GDPD2: variants seen among roughly 807,000 people sequenced by gnomAD.
GDPD2 encodes the protein glycerophosphodiester phosphodiesterase domain containing 2, also known as glycerophosphodiester phosphodiesterase 3.
In GDPD2, 23 loss-of-function variants were observed where a neutral mutation model predicts 49.2. The ratio of observed to expected loss-of-function variants is 0.47; its 90% CI spans 0.34 to 0.66. The LOEUF (loss-of-function observed/expected upper bound fraction) is 0.66. Ranked by LOEUF, GDPD2 falls within the 30% of genes least tolerant of loss-of-function variation. The probability of loss-of-function intolerance (pLI) is 0.01; values close to 1 mark genes in which losing one functional copy is unlikely to be tolerated. For synonymous variants in GDPD2, 167 were observed against 171.4 expected (o/e 0.97, Z 0.20); for missense variants, 338 against 424.7 (o/e 0.80, Z 1.79).
At chrX:70,429,389 G>C (rs1407423315) in intron 10 of GDPD2, 104 bp from the exon 11 acceptor site, 16 of 531,121 alleles carry the variant, frequency 3.0e-5, no homozygotes, top group Non-Finnish European at 4.0e-5. Context: ...CTCAGAGGTG[G>C]AAAGAAGCTG....
Position 70,426,904 on chromosome X carries a change from G to GGAGTTTT in GDPD2, c.595_596insGAGTTTT (p.Val199GlyfsTer53). The GGAGTTTT allele has an allele frequency of 8.3e-7, 1 of 1,209,086 alleles. No individual in the cohort carries two copies. Among genetic ancestry groups the GGAGTTTT allele is most frequent in the Non-Finnish European group, 1.1e-6 (1 of 893,225 alleles). On this transcript the variant is annotated frameshift_variant, in exon 8 of 16. Transcript: ENST00000374382. LOFTEE classifies it high-confidence loss of function. Reference sequence around the variant, plus strand: ...GCTACTGCTCCTATTTTTTGGAGTTGTCCTGGTCATCTACTTGGCCCCCCT... The same window carrying GGAGTTTT: ...GCTACTGCTCCTATTTTTTGGAGTTGGAGTTTTTCCTGGTCATCTACTTGGCCCCCCT...
chrX:70,433,190 G>C lies in GDPD2; in HGVS notation c.*104G>C, dbSNP rs1019374713. 6.3e-6 allele frequency: 4 copies of C among 635,458 alleles called. No individual in the cohort carries two copies. The highest frequency in any genetic ancestry group is 1.0e-5 in the Non-Finnish European group (4 of 396,903). The allele number at this position is 635,458 out of a possible 1,213,427, so 52.4% of individuals were successfully genotyped here. A position where few individuals can be genotyped will look rare whatever the true frequency, so the allele number is the denominator to read the frequency against. ...GCTTCAGGGGTGGTGGGTTGCAAGT[G>C]GGGGGAGCTTTGCCAACAGGAGGTT... On this transcript the variant is annotated 3_prime_UTR_variant, in exon 16 of 16. Transcript: ENST00000374382.
rs768678443 is a variant in GDPD2, at chrX:70,426,680, C to T, written c.495C>T (p.Ala165=). 38 of 1,207,480 alleles carry T rather than the reference C, an allele frequency of 3.1e-5. 1 individual carries two copies. Among genetic ancestry groups the T allele is most frequent in the Non-Finnish European group, 3.1e-5 (28 of 893,150 alleles). Residue 165 remains alanine (A), a synonymous_variant, in exon 7 of 16, where the codon GCC becomes GCT. Coordinates refer to ENST00000374382, the MANE Select transcript of GDPD2 (RefSeq NM_017711.4). ...CCCCATTCCTTCATATTGGAGCAGC[C>T]GCTGGAATTGCCCTCCTGGCCTGGC... ...ATAPFLHIGA[A]AGIALLAWPV...
intron 10 of GDPD2, among the ~76,000 whole-genome samples, chrX:70,428,865 G>A (rs2086449657): frequency 1.8e-5 from 2 of 112,322 alleles, no homozygotes; most frequent in Admixed American, 9.5e-5. Context: ...AGGAAGTGAG[G>A]TCATTCATTG....
chrX:70,432,536 T>TC (rs1172611642), intron 13 of GDPD2, 43 bp from the exon 14 acceptor site: 2 of 1,161,974 alleles, frequency 1.7e-6, no homozygotes, highest in Non-Finnish European at 2.4e-6. Flanking sequence ...CTTACTTATT[T>TC]CCCCTGACAT....
intron 10 of GDPD2, among the ~76,000 whole-genome samples, chrX:70,429,178 A>C (rs1295185242): frequency 9.0e-6 from 1 of 111,552 alleles, no homozygotes. Flanking sequence ...GACCATGGGT[A>C]AGGGATGTAG....
At chrX:70,428,961 T>G (rs947243640) in intron 10 of GDPD2, among the ~76,000 whole-genome samples, 3 of 111,651 alleles carry the variant, frequency 2.7e-5, no homozygotes, top group African/African-American at 9.8e-5. Context: ...GTAAAAGGAT[T>G]GTTAAGCAGC....
At position 70,429,978 on chromosome X, in the gene GDPD2, A is replaced by G. The variant is rs141964508; in HGVS notation, c.1222A>G (p.Ile408Val). 13 of 1,207,819 alleles carry G rather than the reference A, an allele frequency of 1.1e-5. No homozygotes were observed. The highest frequency in any genetic ancestry group is 1.3e-5 in the Non-Finnish European group (12 of 893,041). Residue 408 changes from isoleucine to valine, a missense_variant, in exon 12 of 16, where the codon ATA becomes GTA. Coordinates refer to ENST00000374382, the MANE Select transcript of GDPD2 (RefSeq NM_017711.4). ...ACGACGGGCACCTGGAATGCGCCAGATATATGGACGTCAGGGAGGCAACAG... is the reference window on the plus strand; with the variant it reads ...ACGACGGGCACCTGGAATGCGCCAGGTATATGGACGTCAGGGAGGCAACAG... ...VQRRAPGMRQIYGRQGGNRTE... is the reference protein window; with the variant it reads ...VQRRAPGMRQVYGRQGGNRTE...
Position 70,427,376 on chromosome X carries a change from T to C in GDPD2, c.849T>C (p.Ser283=), listed in dbSNP as rs1436216179. ...TCAGCAGGACCACGAATGTAGCCTCTGTATTCCCAACCCGAATCACAGCCC... is the reference window on the plus strand; with the variant it reads ...TCAGCAGGACCACGAATGTAGCCTCCGTATTCCCAACCCGAATCACAGCCC... ...EHLSRTTNVA[S]VFPTRITAHS... The change falls in exon 10 of 16, where the codon TCT becomes TCC. Residue 283 remains serine (S), a synonymous_variant. Coordinates refer to ENST00000374382, the MANE Select transcript of GDPD2 (RefSeq NM_017711.4). 2.5e-6 allele frequency: 3 copies of C among 1,208,188 alleles called. No individual in the cohort carries two copies. The African/African-American group carries it at 5.2e-5, about 21-fold the overall frequency.
Position 70,433,107 on chromosome X carries a change from A to T in GDPD2, c.*21A>T. ...AGTGAATGCCCTGCCCTGCTTCCCC[A>T]CCCAAGCCAGTCTACATTGCCCAAA... On this transcript the variant is annotated 3_prime_UTR_variant, in exon 16 of 16. Coordinates refer to ENST00000374382, the MANE Select transcript of GDPD2 (RefSeq NM_017711.4). 8.8e-7 allele frequency: 1 copy of T among 1,140,703 alleles called. No individual in the cohort carries two copies. The highest frequency in any genetic ancestry group is 1.2e-6 in the Non-Finnish European group (1 of 837,683). The allele number at this position is 1,140,703 out of a possible 1,213,427, so 94.0% of individuals were successfully genotyped here.
rs1030204923 is a variant in GDPD2, at chrX:70,427,599, C to T, written c.936+136C>T. 8.2e-6 allele frequency: 4 copies of T among 489,418 alleles called. No individual in the cohort carries two copies. In the Admixed American group the frequency reaches 1.6e-4, roughly 19 times the overall value. 40.3% of individuals were successfully genotyped at this position (489,418 alleles called of 1,213,427 possible). On this transcript the variant is annotated intron_variant, in intron 10 of 15. Transcript: ENST00000374382. ...AGTCTGTGCTCTCAAGTCACTTCCACCTAGTAGAGAGCCTAGGCAGCAGAC... is the reference window on the plus strand; with the variant it reads ...AGTCTGTGCTCTCAAGTCACTTCCATCTAGTAGAGAGCCTAGGCAGCAGAC...
rs367951701 is a variant in GDPD2 at position 70,430,001 on chromosome X, C to T, written c.1245C>T (p.Asn415=). 21 of 1,208,294 alleles carry T rather than the reference C, an allele frequency of 1.7e-5. No individual in the cohort carries two copies. The highest frequency in any genetic ancestry group is 2.2e-5 in the Non-Finnish European group (20 of 893,526). ...MRQIYGRQGG[N]RTERPQFLNL... is the part of the protein sequence containing the mutation. Reference sequence around the variant, plus strand: ...AGATATATGGACGTCAGGGAGGCAACAGAACGGAGAGGCCCCAGTTTCTTA... The same window carrying T: ...AGATATATGGACGTCAGGGAGGCAATAGAACGGAGAGGCCCCAGTTTCTTA... The change falls in exon 12 of 16, where the codon AAC becomes AAT. Residue 415 remains asparagine, a synonymous_variant. Transcript: ENST00000374382.
At chrX:70,426,188 AC>A in intron 5 of GDPD2, 77 bp downstream of exon 5, 1 of 932,402 alleles carries the variant, frequency 1.1e-6, no homozygotes, top group African/African-American at 1.9e-5. Flanking sequence ...TGAGGACCTC[AC>A]TTTTATACCC....
In GDPD2 at chrX:70,432,345, T is replaced by C; in HGVS notation, c.1346T>C (p.Val449Ala). 1 of 1,207,528 alleles carries C rather than the reference T, an allele frequency of 8.3e-7. No homozygotes were observed. The change falls in exon 13 of 16, where the codon GTA (valine) becomes GCA (alanine). Residue 449 changes from valine to alanine, a missense_variant. By Grantham distance (64) the Val-to-Ala change is moderately conservative (BLOSUM62 0). This residue lies in a region of GDPD2 where 253 missense variants were observed against 330.4 expected (regional missense o/e 0.77). Transcript: ENST00000374382. Reference sequence around the variant, plus strand: ...GATAATGTCTCGGTGAACCTATTTGTAGTGAACAAGCCCTGGCTCTTCTCT... The same window carrying C: ...GATAATGTCTCGGTGAACCTATTTGCAGTGAACAAGCCCTGGCTCTTCTCT... ...HKDNVSVNLF[V>A]VNKPWLFSLL...
At position 70,426,146 on chromosome X, in the gene GDPD2, C is replaced by T. The variant is rs750719748; in HGVS notation, c.363+35C>T. The T allele has an allele frequency of 7.3e-6, 8 of 1,097,086 alleles. No homozygotes were observed. In the South Asian group the frequency reaches 9.2e-5, roughly 13 times the overall value. The allele number at this position is 1,097,086 out of a possible 1,213,427, so 90.4% of individuals were successfully genotyped here. ...GGATGGGAGTGCATGGGAGAGGGGGCCACTGGGCTCAGCACTTGGCTGGCT... is the reference window on the plus strand; with the variant it reads ...GGATGGGAGTGCATGGGAGAGGGGGTCACTGGGCTCAGCACTTGGCTGGCT... On this transcript the variant is annotated intron_variant, in intron 5 of 15. Coordinates refer to ENST00000374382, the MANE Select transcript of GDPD2 (RefSeq NM_017711.4).
In GDPD2 at chrX:70,429,626, G is replaced by A. The variant is rs911633896; in HGVS notation, c.1070G>A (p.Arg357His). 5.0e-6 allele frequency: 6 copies of A among 1,208,820 alleles called. No individual in the cohort carries two copies. The highest frequency in any genetic ancestry group is 3.5e-5 in the South Asian group (2 of 56,828). The change falls in exon 11 of 16, where the codon CGC (arginine) becomes CAC (histidine). Residue 357 changes from arginine to histidine, a missense_variant. Physicochemically the swap from Arg to His is conservative, Grantham distance 29 (BLOSUM62 0). Coordinates refer to ENST00000374382, the MANE Select transcript of GDPD2 (RefSeq NM_017711.4). ...ALNLSIMFDLRRPPQNHTYYD... is the reference protein window; with the variant it reads ...ALNLSIMFDLHRPPQNHTYYD... The stretch of plus-strand genomic sequence containing the variant: ...AACCTTTCCATCATGTTCGACTTGC[G>A]CCGACCCCCACAGAACCACACATAC...
chrX:70,423,814 C>T (rs1415536194), intron 1 of GDPD2, among the ~76,000 whole-genome samples: 2 of 111,040 alleles, frequency 1.8e-5, no homozygotes, highest in Admixed American at 1.9e-4. Flanking sequence ...TCCTGCTTAC[C>T]GGACCCACCC....
chrX:70,431,019 C>A, intron 12 of GDPD2: 1 of 617,256 alleles, frequency 1.6e-6, no homozygotes, highest in Non-Finnish European at 2.6e-6. Flanking sequence ...AACTACTGGC[C>A]TCAAGCAATC....
At position 70,433,187 on chromosome X, in the gene GDPD2, A is replaced by G; in HGVS notation, c.*101A>G. ...AATGCTTCAGGGGTGGTGGGTTGCA[A>G]GTGGGGGGAGCTTTGCCAACAGGAG... On this transcript the variant is annotated 3_prime_UTR_variant, in exon 16 of 16. Coordinates refer to ENST00000374382, the MANE Select transcript of GDPD2 (RefSeq NM_017711.4). The G allele has an allele frequency of 1.5e-6, 1 of 648,844 alleles. No homozygotes were observed. Among genetic ancestry groups the G allele is most frequent in the Middle Eastern group, 4.7e-4 (1 of 2,108 alleles). The allele number at this position is 648,844 out of a possible 1,213,427, so 53.5% of individuals were successfully genotyped here.
Sources: gnomAD v4.1 joint callset for allele counts (sites outside exome capture counted in the v4.1 genomes callset) on GRCh38, gnomAD v4.1.1 for gene constraint, gnomAD v4.1.1 regional missense constraint, MANE v1.5 for transcripts, NCBI Gene and HGNC (gene_info 2026-07-23, HGNC 2026-07-21) for gene names.